Variants in PAK1 observed in about 807,000 individuals in gnomAD.
PAK1 encodes serine/threonine-protein kinase PAK 1.
A neutral mutation model predicts 67.4 loss-of-function variants in PAK1; 29 were observed. The observed-to-expected ratio is 0.43, with a 90% CI of 0.32 to 0.59. The LOEUF (loss-of-function observed/expected upper bound fraction) is 0.59. PAK1 is among the 20% of genes least tolerant of loss of function. The pLI is 0.07. For synonymous variants in PAK1, 223 were observed against 237.4 expected, an observed-to-expected ratio of 0.94 and a Z score of 0.56; for missense variants, 337 against 670.7, an observed-to-expected ratio of 0.50 and a Z score of 5.50.
At chr11:77,361,237 T>C (rs969849560) in intron 5 of PAK1, among the ~76,000 whole-genome samples, 28 of 152,154 alleles carry the variant, frequency 1.8e-4, no homozygotes, top group African/African-American at 6.8e-4. Flanking sequence ...GGCAAGCCTC[T>C]CTAATAAAAT....
chr11:77,446,150 T>C (rs1353658628), intron 1 of PAK1, among the ~76,000 whole-genome samples: 1 of 152,202 alleles, frequency 6.6e-6, no homozygotes, highest in East Asian at 1.9e-4. Context: ...ATATTTGTTG[T>C]TCATGATATT....
the PAK1 span, among the ~76,000 whole-genome samples, chr11:77,522,712 A>G: frequency 6.6e-6 from 1 of 152,220 alleles, no homozygotes; most frequent in Non-Finnish European, 1.5e-5. Context: ...CAGAAATCCT[A>G]TCACTGGACA....
upstream of PAK1, among the ~76,000 whole-genome samples, chr11:77,478,204 G>T (rs1958080842): frequency 6.6e-6 from 1 of 152,032 alleles, no homozygotes; most frequent in African/African-American, 2.4e-5. Flanking sequence ...CCCAGGCCAA[G>T]AAGTTATTTT....
intron 4 of PAK1, among the ~76,000 whole-genome samples, chr11:77,376,377 G>A (rs1949088706): frequency 6.6e-6 from 1 of 152,152 alleles, no homozygotes. Context: ...GCAAAATAGG[G>A]CTAAGACCCA....
chr11:77,520,006 C>CA, the PAK1 span, among the ~76,000 whole-genome samples: 2 of 152,134 alleles, frequency 1.3e-5, no homozygotes, highest in Admixed American at 6.5e-5. Flanking sequence ...CCTGTGGCCC[C>CA]CCCCTCCGCC....
At chr11:77,352,304 A>G (rs1416148348) in intron 8 of PAK1, among the ~76,000 whole-genome samples, 1 of 152,190 alleles carries the variant, frequency 6.6e-6, no homozygotes, top group Non-Finnish European at 1.5e-5. Context: ...AAATCAAATG[A>G]GACAGTATCT....
the PAK1 span, among the ~76,000 whole-genome samples, chr11:77,529,087 A>T: frequency 9.9e-5 from 15 of 152,266 alleles, no homozygotes; most frequent in African/African-American, 3.4e-4. Context: ...TTTGTTAGGG[A>T]TTAAGTTCAT....
rs116723452 is a variant in PAK1 at position 77,403,275 on chromosome 11, T to C, written c.-21-10734A>G. Reference sequence around the variant, plus strand: ...TCTGGTCACTCCCACTGAAAGGCTTTAGTTCCAGGTTCAATCTTCTTCTGA... The same window carrying C: ...TCTGGTCACTCCCACTGAAAGGCTTCAGTTCCAGGTTCAATCTTCTTCTGA... On this transcript the variant is annotated intron_variant, in intron 1 of 14. Coordinates refer to ENST00000356341, the MANE Select transcript of PAK1 (RefSeq NM_002576.5). 3.7e-3 allele frequency among the ~76,000 whole-genome samples: 567 copies of C among 152,330 alleles called. 6 individuals carry two copies. Among genetic ancestry groups the C allele is most frequent in the African/African-American group, 0.013 (528 of 41,572 alleles).
intron 1 of PAK1, among the ~76,000 whole-genome samples, chr11:77,473,131 CA>C (rs1301705411): frequency 6.6e-6 from 1 of 152,230 alleles, no homozygotes; most frequent in African/African-American, 2.4e-5. Context: ...TCATTTATTC[CA>C]TGCAGAAGGA....
intron 1 of PAK1, among the ~76,000 whole-genome samples, chr11:77,397,344 A>G (rs1951966862): frequency 6.6e-6 from 1 of 152,236 alleles, no homozygotes; most frequent in African/African-American, 2.4e-5. Context: ...AGGTAGGGCA[A>G]TATTTTAAAA....
chr11:77,427,410 A>G (rs553742107), intron 1 of PAK1, among the ~76,000 whole-genome samples: 1 of 152,264 alleles, frequency 6.6e-6, no homozygotes, highest in Non-Finnish European at 1.5e-5. Context: ...GGAATTTACT[A>G]AAGAGGAGAA....
At chr11:77,338,584 T>C (rs1205002217) in intron 11 of PAK1, among the ~76,000 whole-genome samples, 1 of 152,192 alleles carries the variant, frequency 6.6e-6, no homozygotes, top group Non-Finnish European at 1.5e-5. Context: ...AGAGTTGCCA[T>C]ATGACCAGCA....
chr11:77,511,554 A>G, the PAK1 span, among the ~76,000 whole-genome samples: 2 of 152,194 alleles, frequency 1.3e-5, no homozygotes. Context: ...CACAGCTCAG[A>G]AAATACTTCC....
intron 1 of PAK1, among the ~76,000 whole-genome samples, chr11:77,442,979 T>C (rs371464093): frequency 2.0e-5 from 3 of 152,176 alleles, no homozygotes; most frequent in Non-Finnish European, 4.4e-5. Flanking sequence ...TTGCAGATTA[T>C]TGTGAGGATT....
At chr11:77,412,350 A>G (rs1301473216) in intron 1 of PAK1, among the ~76,000 whole-genome samples, 1 of 152,128 alleles carries the variant, frequency 6.6e-6, no homozygotes, top group Non-Finnish European at 1.5e-5. Flanking sequence ...CCAGGTTCTA[A>G]TTCTAATGCT....
the PAK1 span, among the ~76,000 whole-genome samples, chr11:77,519,979 C>T: frequency 1.3e-5 from 2 of 152,088 alleles, no homozygotes; most frequent in East Asian, 3.9e-4. Flanking sequence ...GAATTGGAAG[C>T]CAGGCTCCTC....
chr11:77,434,463 G>A (rs1253386580), intron 1 of PAK1, among the ~76,000 whole-genome samples: 3 of 151,202 alleles, frequency 2.0e-5, no homozygotes, highest in African/African-American at 7.3e-5. Flanking sequence ...TTTTGGAGAG[G>A]GGATGGGGTA....
intron 1 of PAK1, among the ~76,000 whole-genome samples, chr11:77,414,196 C>T (rs1954824151): frequency 6.6e-6 from 1 of 152,214 alleles, no homozygotes; most frequent in African/African-American, 2.4e-5. Flanking sequence ...TTTTTCTCTT[C>T]TCCAAGATAA....
chr11:77,510,832 A>C, the PAK1 span, among the ~76,000 whole-genome samples: 4 of 152,320 alleles, frequency 2.6e-5, no homozygotes, highest in East Asian at 3.9e-4. Flanking sequence ...GAGAATACTA[A>C]GGAGGGTGAT....
Sources: gnomAD v4.1 joint callset for allele counts (sites outside exome capture counted in the v4.1 genomes callset) on GRCh38, gnomAD v4.1.1 for gene constraint, MANE v1.5 for transcripts, NCBI Gene and HGNC (gene_info 2026-07-23, HGNC 2026-07-21) for gene names.